Variants in UBE2J1 observed in about 807,000 individuals in gnomAD.
UBE2J1 encodes ubiquitin-conjugating enzyme E2 J1.
A neutral mutation model predicts 42.1 loss-of-function variants in UBE2J1; 17 were observed. The observed-to-expected ratio is 0.40, with a 90% CI of 0.28 to 0.61. UBE2J1 has a LOEUF of 0.61. UBE2J1 is among the 20% of genes least tolerant of loss of function. The pLI, the probability that UBE2J1 is intolerant of heterozygous loss-of-function variation, is 0.38. For synonymous variants in UBE2J1, 127 were observed against 137.2 expected (o/e 0.93, Z 0.52); for missense variants, 291 against 389.4 (o/e 0.75, Z 2.13).
chr6:89,348,632 G>A (rs1325006065), intron 1 of UBE2J1, among the ~76,000 whole-genome samples: 2 of 152,184 alleles, frequency 1.3e-5, no homozygotes, highest in African/African-American at 4.8e-5. Flanking sequence ...TTTAAAGAAT[G>A]TCTGAGTGTT....
At chr6:89,351,163 C>G (rs1008966267) in intron 1 of UBE2J1, among the ~76,000 whole-genome samples, 1 of 143,338 alleles carries the variant, frequency 7.0e-6, no homozygotes, top group Non-Finnish European at 1.5e-5. Flanking sequence ...CTCACTGCAA[C>G]CTCCTCCCCG....
intron 5 of UBE2J1, among the ~76,000 whole-genome samples, chr6:89,336,994 C>G (rs1768119164): frequency 2.0e-5 from 3 of 152,024 alleles, no homozygotes; most frequent in African/African-American, 7.2e-5. Flanking sequence ...CACGTGCCAC[C>G]ACGCCCAGCT....
At position 89,344,850 on chromosome 6, in the gene UBE2J1, C is replaced by G. The variant is rs9351206; in HGVS notation, c.32-1094G>C. On this transcript the variant is annotated intron_variant, in intron 1 of 7. Coordinates refer to ENST00000435041, the MANE Select transcript of UBE2J1 (RefSeq NM_016021.3). ...GAGCTGCTCAGATGCCTATCACAAT[C>G]TACAATCCTATCTGTATCTGCACCC... 0.019 allele frequency among the ~76,000 whole-genome samples: 2,859 copies of G among 152,344 alleles called. 178 individuals carry two copies. In the East Asian group the frequency reaches 0.21, roughly 11 times the overall value.
intron 5 of UBE2J1, among the ~76,000 whole-genome samples, chr6:89,336,503 T>C (rs1445711763): frequency 7.2e-6 from 1 of 139,114 alleles, no homozygotes; most frequent in Non-Finnish European, 1.5e-5. Context: ...TTTATTATTA[T>C]TTTTTTTTTT....
At chr6:89,331,064 A>T (rs950275730) in intron 7 of UBE2J1, among the ~76,000 whole-genome samples, 1 of 152,216 alleles carries the variant, frequency 6.6e-6, no homozygotes, top group Non-Finnish European at 1.5e-5. Context: ...GCCTGATGTT[A>T]TCTGAGGTAT....
chr6:89,340,721 G>A (rs938551981), intron 3 of UBE2J1, among the ~76,000 whole-genome samples: 1 of 151,674 alleles, frequency 6.6e-6, no homozygotes, highest in African/African-American at 2.4e-5. Context: ...ACAAAATAGA[G>A]GTAAAAGCAG....
intron 6 of UBE2J1, 84 bp from the exon 7 acceptor site, chr6:89,333,289 C>A: frequency 7.0e-7 from 1 of 1,428,052 alleles, no homozygotes. Context: ...TAAATCCTCT[C>A]TGTTGGATTT....
intron 5 of UBE2J1, 34 bp from the exon 6 acceptor site, chr6:89,335,465 TA>T (rs1476265448): frequency 6.7e-7 from 1 of 1,497,286 alleles, no homozygotes; most frequent in Non-Finnish European, 9.0e-7. Flanking sequence ...TGAAAATAAA[TA>T]GTTAAATGTT....
intron 1 of UBE2J1, among the ~76,000 whole-genome samples, chr6:89,344,233 A>C (rs1768315183): frequency 6.6e-6 from 1 of 152,202 alleles, no homozygotes; most frequent in South Asian, 2.1e-4. Flanking sequence ...TTATTAACAA[A>C]AAATGTATTC....
intron 3 of UBE2J1, among the ~76,000 whole-genome samples, chr6:89,340,513 A>G (rs12193488): frequency 0.081 from 12,270 of 152,234 alleles, 724 homozygotes; most frequent in Non-Finnish European, 0.12. Flanking sequence ...GCAGTTCTCT[A>G]TATCAGCTAA....
chr6:89,332,748 C>T (rs957298720), intron 7 of UBE2J1, among the ~76,000 whole-genome samples: 1 of 152,074 alleles, frequency 6.6e-6, no homozygotes, highest in African/African-American at 2.4e-5. Flanking sequence ...ACAATCCTGC[C>T]AAAAATAGTG....
intron 1 of UBE2J1, among the ~76,000 whole-genome samples, chr6:89,351,136 C>CAGTG (rs890518769): frequency 3.4e-5 from 4 of 117,638 alleles, no homozygotes; most frequent in East Asian, 2.9e-4. Flanking sequence ...CACTGGAGTG[C>CAGTG]AGTGGCGCGA....
chr6:89,338,429 G>A, intron 4 of UBE2J1, 30 bp downstream of exon 4: 1 of 1,578,650 alleles, frequency 6.3e-7, no homozygotes, highest in South Asian at 1.1e-5. Flanking sequence ...GAAGTTATGA[G>A]ATTTATATTC....
intron 1 of UBE2J1, among the ~76,000 whole-genome samples, chr6:89,345,269 AAC>A (rs1329178564): frequency 1.3e-5 from 2 of 152,214 alleles, no homozygotes; most frequent in African/African-American, 2.4e-5. Context: ...ACATGTATAT[AAC>A]CACAATGGTT....
intron 6 of UBE2J1, 69 bp downstream of exon 6, chr6:89,335,233 T>C (rs913898503): frequency 1.4e-6 from 2 of 1,385,236 alleles, no homozygotes; most frequent in Non-Finnish European, 1.9e-6. Flanking sequence ...ATCGCTTTCC[T>C]TTCTATGCAG....
At position 89,329,890 on chromosome 6, in the gene UBE2J1, G is replaced by A. The variant is rs148521060; in HGVS notation, c.746C>T (p.Ser249Phe). 2 of 1,613,966 alleles carry A rather than the reference G, an allele frequency of 1.2e-6. No individual in the cohort carries two copies. Among genetic ancestry groups the A allele is most frequent in the Non-Finnish European group, 1.7e-6 (2 of 1,180,008 alleles). The change falls in exon 8 of 8, where the codon TCC (serine) becomes TTC (phenylalanine). Residue 249 changes from serine (S) to phenylalanine (F), a missense_variant. This residue lies in a region of UBE2J1 where 176 missense variants were observed against 196.3 expected (regional missense o/e 0.90). Coordinates refer to ENST00000435041, the MANE Select transcript of UBE2J1 (RefSeq NM_016021.3). ...GGCCCGGCGCTGTCGAGGGCTCATG[G>A]AGGTATTCTTAGCTACAGGTTGGGT... The part of the protein sequence containing the change: ...QPTQPVAKNT[S>F]MSPRQRRAQQ...
Position 89,338,467 on chromosome 6 carries a change from G to T in UBE2J1, c.314C>A (p.Ser105Ter), listed in dbSNP as rs773680574. ...TATAAATTAACACTTACTACTCCAC[G>T]AAGGCTGCCAAGTTTCAGGATGATG... The part of the protein sequence containing the change: ...SGHHPETWQP[S>*]WSIRTALLAI... The change falls in exon 4 of 8, where the codon TCG (serine) becomes TAG (stop). Residue 105 changes from serine to a stop codon, truncating the protein, a stop_gained. Transcript: ENST00000435041. LOFTEE classifies it high-confidence loss of function. 6.2e-7 allele frequency: 1 copy of T among 1,609,592 alleles called. No individual in the cohort carries two copies. The highest frequency in any genetic ancestry group is 8.5e-7 in the Non-Finnish European group (1 of 1,178,678).
At chr6:89,347,129 G>A (rs911187982) in intron 1 of UBE2J1, among the ~76,000 whole-genome samples, 2 of 152,168 alleles carry the variant, frequency 1.3e-5, no homozygotes, top group African/African-American at 2.4e-5. Context: ...CCACAGAGCC[G>A]CTTTGGTTGC....
At chr6:89,337,224 T>C (rs1768125083) in intron 5 of UBE2J1, among the ~76,000 whole-genome samples, 1 of 139,398 alleles carries the variant, frequency 7.2e-6, no homozygotes, top group African/African-American at 2.8e-5. Context: ...AGAACTCCAG[T>C]TCTTTTTTTT....
Sources: allele counts gnomAD v4.1 joint callset (sites outside exome capture counted in the v4.1 genomes callset), GRCh38; gene constraint gnomAD v4.1.1; regional missense constraint gnomAD v4.1.1; transcripts MANE v1.5; gene names NCBI Gene and HGNC (gene_info 2026-07-23, HGNC 2026-07-21).